PYHIN1: variants seen among roughly 807,000 people sequenced by gnomAD.
PYHIN1 encodes pyrin and HIN domain family member 1.
PYHIN1 carries 32 observed loss-of-function variants against 43.7 expected under a neutral mutation model. The ratio of observed to expected loss-of-function variants is 0.73; its 90% CI spans 0.55 to 0.98. The LOEUF (loss-of-function observed/expected upper bound fraction) is 0.98, where lower values mean the gene tolerates loss of function less well. PYHIN1 is among the 50% of genes least tolerant of loss of function. PYHIN1 has a pLI of 0.00. For missense variants in PYHIN1, 588 were observed against 589.5 expected (o/e 1.00, Z 0.03); for synonymous variants, 205 against 203.1 (o/e 1.01, Z -0.08).
At chr1:158,960,546 G>GA (rs926297257) in intron 7 of PYHIN1, among the ~76,000 whole-genome samples, 2 of 152,016 alleles carry the variant, frequency 1.3e-5, no homozygotes, top group African/African-American at 2.4e-5. Flanking sequence ...ACTACCACCC[G>GA]AAAAAAAGAG....
downstream of PYHIN1, among the ~76,000 whole-genome samples, chr1:158,981,549 T>C (rs767854272): frequency 2.0e-5 from 3 of 152,188 alleles, no homozygotes; most frequent in African/African-American, 4.8e-5. Flanking sequence ...ACAATTTATA[T>C]TCCTTTGGGT....
chr1:158,945,142 C>G, intron 7 of PYHIN1, 100 bp downstream of exon 7: 1 of 1,193,490 alleles, frequency 8.4e-7, no homozygotes, highest in African/African-American at 1.5e-5. Context: ...TAACTGTGTA[C>G]AATCTCTAGA....
chr1:158,936,812 A>G, intron 1 of PYHIN1, 79 bp from the exon 2 acceptor site: 1 of 915,688 alleles, frequency 1.1e-6, no homozygotes, highest in Non-Finnish European at 1.6e-6. Context: ...CTTATGGGCC[A>G]CTTATTCACA....
intron 4 of PYHIN1, 68 bp from the exon 5 acceptor site, chr1:158,941,909 A>C: frequency 7.0e-7 from 1 of 1,437,600 alleles, no homozygotes; most frequent in Non-Finnish European, 9.3e-7. Context: ...CCTTGAGGTC[A>C]CTGAAGAGCA....
chr1:158,990,445 T>A, the PYHIN1 span, among the ~76,000 whole-genome samples: 2 of 152,100 alleles, frequency 1.3e-5, no homozygotes, highest in Non-Finnish European at 2.9e-5. Flanking sequence ...TGTTTTGAAG[T>A]ATATATACAT....
chr1:158,953,624 A>C (rs1649726136), intron 7 of PYHIN1, among the ~76,000 whole-genome samples: 1 of 152,078 alleles, frequency 6.6e-6, no homozygotes, highest in Non-Finnish European at 1.5e-5. Flanking sequence ...CAAAGACCAA[A>C]AGTAGATAAA....
intron 7 of PYHIN1, among the ~76,000 whole-genome samples, chr1:158,968,179 A>G (rs1650734219): frequency 6.6e-6 from 1 of 151,980 alleles, no homozygotes; most frequent in Non-Finnish European, 1.5e-5. Context: ...GAGAAAAAAA[A>G]AATTGCAAAC....
the PYHIN1 span, among the ~76,000 whole-genome samples, chr1:158,984,733 A>G: frequency 1.1e-4 from 16 of 152,242 alleles, no homozygotes; most frequent in East Asian, 2.5e-3. Flanking sequence ...GATTTATCTA[A>G]CAATGTTAGT....
At chr1:158,953,547 G>T (rs1357790315) in intron 7 of PYHIN1, among the ~76,000 whole-genome samples, 4 of 151,124 alleles carry the variant, frequency 2.6e-5, no homozygotes, top group South Asian at 2.1e-4. Context: ...GGTCCTGTCT[G>T]TTAGAAGGAA....
At chr1:158,947,074 A>C (rs1457095925) in intron 7 of PYHIN1, among the ~76,000 whole-genome samples, 1 of 152,140 alleles carries the variant, frequency 6.6e-6, no homozygotes, top group Non-Finnish European at 1.5e-5. Context: ...TGTATTTCCC[A>C]TTCCTGTGCT....
In PYHIN1 at chr1:158,936,968, T is replaced by C. The variant is rs1188880655; in HGVS notation, c.58T>C (p.Tyr20His). Reference sequence around the variant, plus strand: ...GAAAGGATTAGAGGTCATCAATGATTATCATTTTAGAATTGTTAAGTCCTT... The same window carrying C: ...GAAAGGATTAGAGGTCATCAATGATCATCATTTTAGAATTGTTAAGTCCTT... ...LLKGLEVINDYHFRIVKSLLS... is the reference protein window; with the variant it reads ...LLKGLEVINDHHFRIVKSLLS... Residue 20 changes from tyrosine (Y) to histidine (H), a missense_variant, in exon 2 of 9, where the codon TAT becomes CAT. By Grantham distance (83) the Tyr-to-His change is moderately conservative. Transcript: ENST00000368140. 1 of 1,612,204 alleles carries C rather than the reference T, an allele frequency of 6.2e-7. No individual in the cohort carries two copies. The highest frequency in any genetic ancestry group is 8.5e-7 in the Non-Finnish European group (1 of 1,178,812).
chr1:158,979,643 A>G (rs1651420744), downstream of PYHIN1, among the ~76,000 whole-genome samples: 1 of 152,170 alleles, frequency 6.6e-6, no homozygotes, highest in African/African-American at 2.4e-5. Context: ...TGGGAGCGCT[A>G]GTAATATCTC....
intron 7 of PYHIN1, among the ~76,000 whole-genome samples, chr1:158,953,554 G>A (rs555172768): frequency 6.6e-5 from 10 of 151,188 alleles, no homozygotes; most frequent in South Asian, 2.1e-4. Flanking sequence ...TCTGTTAGAA[G>A]GAAAACTAAC....
intron 8 of PYHIN1, among the ~76,000 whole-genome samples, chr1:158,975,861 G>A (rs908880169): frequency 6.6e-6 from 1 of 152,082 alleles, no homozygotes; most frequent in East Asian, 1.9e-4. Flanking sequence ...TGGAAATAAT[G>A]ATGTCTCTCA....
chr1:158,987,574 G>A, the PYHIN1 span, among the ~76,000 whole-genome samples: 1 of 151,680 alleles, frequency 6.6e-6, no homozygotes, highest in African/African-American at 2.4e-5. Context: ...TTTTTTGCTT[G>A]TGCATTCGAT....
intron 8 of PYHIN1, among the ~76,000 whole-genome samples, chr1:158,976,211 G>A (rs1275298293): frequency 6.6e-6 from 1 of 152,038 alleles, no homozygotes; most frequent in Non-Finnish European, 1.5e-5. Context: ...GCTAATATTG[G>A]AATGCAAAAA....
Position 158,966,463 on chromosome 1 carries a change from A to G in PYHIN1, c.1360-7184A>G, listed in dbSNP as rs1650640476. Among the ~76,000 whole-genome samples, 3 of 152,172 alleles carry G rather than the reference A, an allele frequency of 2.0e-5. 1 individual carries two copies. In the South Asian group the frequency reaches 6.2e-4, roughly 31 times the overall value. On this transcript the variant is annotated intron_variant, in intron 7 of 8. Transcript: ENST00000368140. Reference sequence around the variant, plus strand: ...GTTATTCTTGATGAACATACATGCAAAAATCCTCAAAAAAATACAAGTAAA... The same window carrying G: ...GTTATTCTTGATGAACATACATGCAGAAATCCTCAAAAAAATACAAGTAAA...
At chr1:158,943,738 T>G in intron 5 of PYHIN1, 52 bp from the exon 6 acceptor site, 1 of 1,388,138 alleles carries the variant, frequency 7.2e-7, no homozygotes, top group Non-Finnish European at 1.0e-6. Context: ...CTTTCCTATA[T>G]GCACGGTAGT....
intron 7 of PYHIN1, among the ~76,000 whole-genome samples, chr1:158,957,845 C>G (rs1189383525): frequency 6.7e-6 from 1 of 149,050 alleles, no homozygotes; most frequent in East Asian, 2.0e-4. Flanking sequence ...AAAATTTTCA[C>G]AACCTACTCA....
Sources: allele counts gnomAD v4.1 joint callset (sites outside exome capture counted in the v4.1 genomes callset), GRCh38; gene constraint gnomAD v4.1.1; transcripts MANE v1.5; gene names NCBI Gene and HGNC (gene_info 2026-07-23, HGNC 2026-07-21).